ACAP2: variants seen among roughly 807,000 people sequenced by gnomAD.
ACAP2 encodes the protein arf-GAP with coiled-coil, ANK repeat and PH domain-containing protein 2.
A neutral mutation model predicts 115.8 loss-of-function variants in ACAP2; 39 were observed. The observed-to-expected ratio is 0.34, with a 90% CI of 0.26 to 0.44. ACAP2 has a LOEUF of 0.44. Among genes scored for constraint, ACAP2 ranks in the 20% least tolerant of loss-of-function variants. The probability of loss-of-function intolerance (pLI) is 1.00; values close to 1 mark genes in which losing one functional copy is unlikely to be tolerated. For synonymous variants in ACAP2, 289 were observed against 315.8 expected, an observed-to-expected ratio of 0.92 and a Z score of 0.90; for missense variants, 662 against 927.6, an observed-to-expected ratio of 0.71 and a Z score of 3.72.
intron 9 of ACAP2, chr3:195,326,620 C>A (rs1375686497): frequency 2.8e-6 from 1 of 354,892 alleles, no homozygotes; most frequent in African/African-American, 2.1e-5. Flanking sequence ...CTAAAGGCCA[C>A]TTTTAGCTTA....
At chr3:195,294,225 C>T (rs574870756) in intron 18 of ACAP2, among the ~76,000 whole-genome samples, 181 of 152,134 alleles carry the variant, frequency 1.2e-3, no homozygotes, top group African/African-American at 4.2e-3. Context: ...TCGCTGCTTT[C>T]TCATTTAAGA....
At chr3:195,363,634 C>T (rs1055738777) in intron 4 of ACAP2, among the ~76,000 whole-genome samples, 2 of 137,082 alleles carry the variant, frequency 1.5e-5, no homozygotes, top group Non-Finnish European at 3.1e-5. Flanking sequence ...CACACACACA[C>T]ACACACACAC....
chr3:195,290,137 G>C (rs1208043388), intron 20 of ACAP2, among the ~76,000 whole-genome samples: 1 of 152,190 alleles, frequency 6.6e-6, no homozygotes, highest in Non-Finnish European at 1.5e-5. Flanking sequence ...TCAGAAGGCA[G>C]AGGTAGGGGG....
intron 17 of ACAP2, chr3:195,295,327 C>A: frequency 7.9e-7 from 1 of 1,260,458 alleles, no homozygotes; most frequent in South Asian, 1.3e-5. Flanking sequence ...TAGCAAAGCA[C>A]AAAGCAGGCC....
intron 8 of ACAP2, among the ~76,000 whole-genome samples, chr3:195,327,310 T>C (rs1477203738): frequency 6.6e-6 from 1 of 152,108 alleles, no homozygotes; most frequent in Non-Finnish European, 1.5e-5. Context: ...CAAATTCTGG[T>C]AGTTAAAATC....
At chr3:195,416,088 C>A (rs1205724747) in intron 1 of ACAP2, among the ~76,000 whole-genome samples, 1 of 152,172 alleles carries the variant, frequency 6.6e-6, no homozygotes, top group Non-Finnish European at 1.5e-5. Flanking sequence ...TGGCTCACGC[C>A]TGTAATCCCA....
intron 9 of ACAP2, among the ~76,000 whole-genome samples, chr3:195,321,068 G>C (rs987484528): frequency 2.8e-4 from 42 of 151,920 alleles, no homozygotes; most frequent in African/African-American, 9.4e-4. Flanking sequence ...TAATTATATA[G>C]AATATAGTGC....
At chr3:195,349,342 G>A (rs530386191) in intron 4 of ACAP2, among the ~76,000 whole-genome samples, 9 of 152,166 alleles carry the variant, frequency 5.9e-5, no homozygotes, top group African/African-American at 1.7e-4. Flanking sequence ...TCAGCCGGGC[G>A]TGGTGGCACA....
At chr3:195,413,242 C>T (rs1329987362) in intron 1 of ACAP2, among the ~76,000 whole-genome samples, 4 of 152,092 alleles carry the variant, frequency 2.6e-5, no homozygotes, top group African/African-American at 9.7e-5. Flanking sequence ...TCTTATGTCA[C>T]AACATTCATC....
At chr3:195,424,915 T>TAAAAA (rs34038109) in intron 1 of ACAP2, among the ~76,000 whole-genome samples, 3 of 55,638 alleles carry the variant, frequency 5.4e-5, no homozygotes, top group Admixed American at 3.0e-4. Context: ...GACCCTGTCT[T>TAAAAA]AAAAAAAAAA....
rs369658840 is a variant in ACAP2 at position 195,294,632 on chromosome 3, A to AT, written c.1765+86dup. On this transcript the variant is annotated intron_variant, in intron 18 of 22. Transcript: ENST00000326793. The stretch of plus-strand genomic sequence containing the variant: ...AATTATATATATATATATATATATA[A>AT]TTTTTTTTTTAATCAAAGGTAAACA... 447 of 220,248 alleles carry AT rather than the reference A, an allele frequency of 2.0e-3. 1 individual carries two copies. The highest frequency in any genetic ancestry group is 5.6e-3 in the African/African-American group (211 of 37,496). The allele number at this position is 220,248 out of a possible 1,614,324, so 13.6% of individuals were successfully genotyped here. A position where few individuals can be genotyped will look rare whatever the true frequency, so the allele number is the denominator to read the frequency against.
chr3:195,294,792 T>G lies in ACAP2; in HGVS notation c.1692A>C (p.Gly564=), dbSNP rs749007203. The change falls in exon 18 of 23, where the codon GGA becomes GGC. Residue 564 remains glycine (G), a synonymous_variant. Transcript: ENST00000326793. ...AQSSVRSNDS[G]IQQSSDDGRE... ...TTCCATCATCAGAGCTCTGCTGAAT[T>G]CCACTGTCATTACTTCTGACTGTTT... 24 of 1,602,280 alleles carry G rather than the reference T, an allele frequency of 1.5e-5. No individual in the cohort carries two copies. The highest frequency in any genetic ancestry group is 2.0e-5 in the Non-Finnish European group (24 of 1,171,094).
In ACAP2 at chr3:195,392,288, A is replaced by C. The variant is rs2108773315; in HGVS notation, c.54-141T>G. 1.2e-5 allele frequency: 8 copies of C among 656,320 alleles called. No individual in the cohort carries two copies. The South Asian group carries it at 1.5e-4, about 13-fold the overall frequency. The allele number at this position is 656,320 out of a possible 1,614,324, so 40.7% of individuals were successfully genotyped here. On this transcript the variant is annotated intron_variant, in intron 1 of 22. Transcript: ENST00000326793. ...TGAAGTAATAATTACCTTGGAATTTAGTATCAATACTTCATAATCATGCAA... is the reference window on the plus strand; with the variant it reads ...TGAAGTAATAATTACCTTGGAATTTCGTATCAATACTTCATAATCATGCAA...
chr3:195,280,076 T>TG (rs1044722077), intron 22 of ACAP2, among the ~76,000 whole-genome samples: 21 of 83,380 alleles, frequency 2.5e-4, no homozygotes, highest in African/African-American at 7.2e-4. Flanking sequence ...GGAAGCTGGG[T>TG]GGGGGGGTTG....
intron 1 of ACAP2, among the ~76,000 whole-genome samples, chr3:195,402,205 T>C (rs549658539): frequency 1.3e-5 from 2 of 152,318 alleles, no homozygotes; most frequent in African/African-American, 4.8e-5. Context: ...ATTTGTTGAA[T>C]GGGTGATGAA....
intron 7 of ACAP2, among the ~76,000 whole-genome samples, chr3:195,334,051 T>C (rs1730344007): frequency 6.6e-6 from 1 of 152,260 alleles, no homozygotes; most frequent in South Asian, 2.1e-4. Context: ...ATCACCCTCA[T>C]TTTAATTAAG....
intron 4 of ACAP2, among the ~76,000 whole-genome samples, chr3:195,358,305 T>C (rs1732123857): frequency 6.6e-6 from 1 of 152,170 alleles, no homozygotes. Context: ...AATAAATATC[T>C]AATTCTTCAA....
At chr3:195,294,604 AAAAAT>A (rs1487452440) in intron 18 of ACAP2, 110 bp downstream of exon 18, 4,216 of 80,802 alleles carry the variant, frequency 0.052, 80 homozygotes, top group African/African-American at 0.057. Context: ...AAAAAAAAAA[AAAAAT>A]TATATATATA....
At chr3:195,302,382 G>A (rs1728122325) in intron 13 of ACAP2, among the ~76,000 whole-genome samples, 1 of 152,110 alleles carries the variant, frequency 6.6e-6, no homozygotes, top group Non-Finnish European at 1.5e-5. Context: ...GGAGAAACGT[G>A]TAAACATTTA....
Sources: gnomAD v4.1 joint callset for allele counts (sites outside exome capture counted in the v4.1 genomes callset) on GRCh38, gnomAD v4.1.1 for gene constraint, MANE v1.5 for transcripts, NCBI Gene and HGNC (gene_info 2026-07-23, HGNC 2026-07-21) for gene names.